The following GPX5 variants were observed in gnomAD, a reference collection of about 807,000 sequenced individuals.
GPX5 encodes epididymal secretory glutathione peroxidase.
GPX5 carries 20 observed loss-of-function variants against 23.8 expected under a neutral mutation model. The ratio of observed to expected loss-of-function variants is 0.84; its 90% CI spans 0.59 to 1.22. The LOEUF (loss-of-function observed/expected upper bound fraction) is 1.22, where lower values mean the gene tolerates loss of function less well. Ranked by LOEUF, GPX5 falls within the 50% of genes most tolerant of loss-of-function variation. GPX5 has a pLI of 0.00. For missense variants in GPX5, 230 were observed against 266.6 expected (o/e 0.86, Z 0.96); for synonymous variants, 92 against 99.5 (o/e 0.92, Z 0.45).
In GPX5 at chr6:28,534,117, T is replaced by C; in HGVS notation, c.616T>C (p.Ser206Pro). Residue 206 changes from serine (S) to proline (P), a missense_variant, in exon 5 of 5, where the codon TCA (serine) becomes CCA (proline). Transcript: ENST00000412168. ...MRWSHRATVS[S>P]VKTDILAYLK... ...CTGGTCCCACCGGGCTACGGTCAGC[T>C]CAGTCAAGACAGACATCCTGGCGTA... 1 of 1,609,596 alleles carries C rather than the reference T, an allele frequency of 6.2e-7. No individual in the cohort carries two copies.
At chr6:28,528,604 G>A (rs1332873160) in intron 1 of GPX5, 2 of 152,040 alleles carry the variant, frequency 1.3e-5, no homozygotes, top group Admixed American at 1.3e-4. Context: ...ACAGAAGCAT[G>A]TAAGGCAAGT....
Position 28,531,663 on chromosome 6 carries a change from G to A in GPX5, c.242-115G>A, listed in dbSNP as rs777847577. 8.5e-6 allele frequency: 6 copies of A among 704,682 alleles called. 1 individual carries two copies. Among genetic ancestry groups the A allele is most frequent in the Non-Finnish European group, 1.5e-5 (6 of 403,424 alleles). The allele number at this position is 704,682 out of a possible 1,614,324, so 43.7% of individuals were successfully genotyped here. A position where few individuals can be genotyped will look rare whatever the true frequency, so the allele number is the denominator to read the frequency against. ...CTAACAGCCCTTCTGATGCAGAGCT[G>A]TTTCCCTCCCTGGGCCTCTGTTTCC... On this transcript the variant is annotated intron_variant, in intron 2 of 4. Coordinates refer to ENST00000412168, the MANE Select transcript of GPX5 (RefSeq NM_001509.3).
chr6:28,527,687 C>G (rs1053060689), intron 1 of GPX5: 1 of 152,156 alleles, frequency 6.6e-6, no homozygotes, highest in Non-Finnish European at 1.5e-5. Flanking sequence ...TCCTTTCCAC[C>G]TTTTTCTCAC....
At chr6:28,527,539 CCTT>C (rs1402716834) in intron 1 of GPX5, among the ~76,000 whole-genome samples, 1 of 152,132 alleles carries the variant, frequency 6.6e-6, no homozygotes, top group Non-Finnish European at 1.5e-5. Flanking sequence ...TTGCATTACT[CCTT>C]CTCTGAATGG....
chr6:28,529,120 A>C (rs11754254), intron 1 of GPX5, among the ~76,000 whole-genome samples: 1 of 150,200 alleles, frequency 6.7e-6, no homozygotes, highest in African/African-American at 2.4e-5. Context: ...AATCATCCCA[A>C]CCTCCCTTCC....
intron 2 of GPX5, 89 bp downstream of exon 2, chr6:28,529,693 AATT>A: frequency 1.3e-5 from 12 of 952,790 alleles, no homozygotes; most frequent in Non-Finnish European, 1.6e-5. Flanking sequence ...TTTTAATTAT[AATT>A]ATGTACCAAA....
chr6:28,531,784 A>G lies in GPX5; in HGVS notation c.248A>G (p.Asn83Ser). 2 of 1,606,320 alleles carry G rather than the reference A, an allele frequency of 1.2e-6. No individual in the cohort carries two copies. Among genetic ancestry groups the G allele is most frequent in the Non-Finnish European group, 1.7e-6 (2 of 1,175,876 alleles). ...CGLTAQYPEL[N>S]ALQEELKPYG... ...GTTCCTCCTCTAACTGCAGAACTAA[A>G]TGCACTCCAGGAGGAGCTGAAGCCC... The change falls in exon 3 of 5, where the codon AAT (asparagine) becomes AGT (serine). Residue 83 changes from asparagine (N) to serine (S), a missense_variant. Physicochemically the swap from Asn to Ser is conservative, Grantham distance 46. Transcript: ENST00000412168.
chr6:28,534,051 G>C lies in GPX5; in HGVS notation c.550G>C (p.Glu184Gln). The change falls in exon 5 of 5, where the codon GAA becomes CAA. Residue 184 changes from glutamate (E) to glutamine (Q), a missense_variant. Transcript: ENST00000412168. ...GGTCCATGACATCCGTTGGAACTTT[G>C]AAAAGTTCCTGGTGGGGCCTGATGG... Reference protein sequence around the residue: ...VKVHDIRWNFEKFLVGPDGIP... With the variant: ...VKVHDIRWNFQKFLVGPDGIP... 3 of 1,611,406 alleles carry C rather than the reference G, an allele frequency of 1.9e-6. No individual in the cohort carries two copies. Among genetic ancestry groups the C allele is most frequent in the South Asian group, 1.1e-5 (1 of 90,642 alleles).
rs553365961 is a variant in GPX5, at chr6:28,534,725, G to T, written c.*558G>T. On this transcript the variant is annotated 3_prime_UTR_variant, in exon 5 of 5. Coordinates refer to ENST00000412168, the MANE Select transcript of GPX5 (RefSeq NM_001509.3). ...ATTCTCCTGTGGGAGCAAGAACATTGCTTCAAAAGAAGAGAGGGCATCTCC... is the reference window on the plus strand; with the variant it reads ...ATTCTCCTGTGGGAGCAAGAACATTTCTTCAAAAGAAGAGAGGGCATCTCC... The T allele has an allele frequency of 6.6e-6, 1 of 152,408 alleles. No homozygotes were observed. Among genetic ancestry groups the T allele is most frequent in the African/African-American group, 2.4e-5 (1 of 41,550 alleles). The allele number at this position is 152,408 out of a possible 1,614,324, so 9.4% of individuals were successfully genotyped here.
At chr6:28,531,204 A>T (rs1248317970) in intron 2 of GPX5, among the ~76,000 whole-genome samples, 7 of 151,716 alleles carry the variant, frequency 4.6e-5, no homozygotes, top group Non-Finnish European at 1.0e-4. Context: ...CCCCGTCTCT[A>T]CTAAAAATAC....
rs762181203 is a variant in GPX5, at chr6:28,526,069, T to C, written c.56T>C (p.Val19Ala). Residue 19 changes from valine to alanine, a missense_variant, in exon 1 of 5, where the codon GTG becomes GCG. Coordinates refer to ENST00000412168, the MANE Select transcript of GPX5 (RefSeq NM_001509.3). ...CTTCCCCTTCTCCTAGCCTGCTTTG[T>C]GCAAACAAGTCCCAAGCAGGAGAAG... ...HLLPLLLACF[V>A]QTSPKQEKMK... The C allele has an allele frequency of 6.2e-7, 1 of 1,613,094 alleles. No individual in the cohort carries two copies. The highest frequency in any genetic ancestry group is 8.5e-7 in the Non-Finnish European group (1 of 1,179,978).
intron 2 of GPX5, among the ~76,000 whole-genome samples, chr6:28,530,670 T>C (rs1763296106): frequency 6.6e-6 from 1 of 152,252 alleles, no homozygotes; most frequent in Non-Finnish European, 1.5e-5. Context: ...TAAGACTGAA[T>C]AATATTTATT....
intron 3 of GPX5, 108 bp from the exon 4 acceptor site, chr6:28,532,213 G>T: frequency 1.4e-6 from 1 of 722,502 alleles, no homozygotes; most frequent in South Asian, 1.9e-5. Context: ...CACCCACAAC[G>T]ATACTTCCCT....
At chr6:28,532,613 A>G (rs1399576471) in intron 4 of GPX5, among the ~76,000 whole-genome samples, 193 bp downstream of exon 4, 4 of 152,104 alleles carry the variant, frequency 2.6e-5, no homozygotes, top group African/African-American at 9.7e-5. Flanking sequence ...TGGGGCTCTA[A>G]CTCTGTGTGG....
intron 2 of GPX5, 41 bp downstream of exon 2, chr6:28,529,645 T>C (rs756466189): frequency 1.2e-5 from 17 of 1,429,458 alleles, no homozygotes; most frequent in Non-Finnish European, 1.6e-5. Flanking sequence ...GACTAAATTT[T>C]CCAGCTGATC....
intron 1 of GPX5, chr6:28,528,460 A>G (rs1034668480): frequency 6.6e-6 from 1 of 152,154 alleles, no homozygotes; most frequent in Non-Finnish European, 1.5e-5. Flanking sequence ...TGAGTGGAGT[A>G]AGAGGTCAGA....
rs951788298 is a variant in GPX5 at position 28,534,839 on chromosome 6, A to G, written c.*672A>G. 1.3e-5 allele frequency: 2 copies of G among 152,192 alleles called. No individual in the cohort carries two copies. The highest frequency in any genetic ancestry group is 4.8e-5 in the African/African-American group (2 of 41,426). 9.4% of individuals were successfully genotyped at this position (152,192 alleles called of 1,614,324 possible). ...AGTGCATTCAGGTTATGGCACCTGGAGAGGAATGCCCTTTATCTTTTGAAG... is the reference window on the plus strand; with the variant it reads ...AGTGCATTCAGGTTATGGCACCTGGGGAGGAATGCCCTTTATCTTTTGAAG... On this transcript the variant is annotated 3_prime_UTR_variant, in exon 5 of 5. Coordinates refer to ENST00000412168, the MANE Select transcript of GPX5 (RefSeq NM_001509.3).
intron 1 of GPX5, 53 bp downstream of exon 1, chr6:28,526,153 A>G: frequency 7.6e-7 from 1 of 1,318,818 alleles, no homozygotes; most frequent in South Asian, 1.2e-5. Flanking sequence ...CTACTTCTAG[A>G]CCCTGCCCTC....
intron 2 of GPX5, among the ~76,000 whole-genome samples, chr6:28,530,737 T>A (rs769583899): frequency 1.4e-4 from 22 of 152,198 alleles, no homozygotes; most frequent in Non-Finnish European, 3.1e-4. Context: ...TTATTCAGTT[T>A]CCACCCTGCA....
Sources: allele counts gnomAD v4.1 joint callset (sites outside exome capture counted in the v4.1 genomes callset), GRCh38; gene constraint gnomAD v4.1.1; transcripts MANE v1.5; gene names NCBI Gene and HGNC (gene_info 2026-07-23, HGNC 2026-07-21).